Variants in MYBPC2 observed in about 807,000 individuals in gnomAD.
MYBPC2 encodes myosin-binding protein C, fast-type.
MYBPC2 carries 122 observed loss-of-function variants against 137.0 expected under a neutral mutation model. The ratio of observed to expected loss-of-function variants is 0.89; its 90% confidence interval spans 0.77 to 1.03. The LOEUF is 1.03. MYBPC2 is among the 50% of genes least tolerant of loss of function. MYBPC2 has a pLI of 0.00. For synonymous variants in MYBPC2, 626 were observed against 612.3 expected, an observed-to-expected ratio of 1.02 and a Z score of -0.33; for missense variants, 1,500 against 1,534.4, an observed-to-expected ratio of 0.98 and a Z score of 0.37.
chr19:50,436,710 TGTG>T lies in MYBPC2; in HGVS notation c.441_443del (p.Gly148del). On this transcript the variant is annotated inframe_deletion, in exon 5 of 28. Coordinates refer to ENST00000357701, the MANE Select transcript of MYBPC2 (RefSeq NM_004533.4). ...CAAAGCCAAGGACACCTGTGACAGC[TGTG>T]GCTTCAACATCGATGTGGAGGGTAT... 1 of 1,613,824 alleles carries T rather than the reference TGTG, an allele frequency of 6.2e-7. No homozygotes were observed. Among genetic ancestry groups the T allele is most frequent in the East Asian group, 2.2e-5 (1 of 44,876 alleles).
rs574925574 is a variant in MYBPC2 at position 50,451,703 on chromosome 19, T to A, written c.1610-161T>A. The stretch of plus-strand genomic sequence containing the variant: ...CTGTAGGGTCTGAGGGAGGAGGGGT[T>A]GGGGGCCTGGACTACTGGGTCTGAG... On this transcript the variant is annotated intron_variant, in intron 15 of 27. Coordinates refer to ENST00000357701, the MANE Select transcript of MYBPC2 (RefSeq NM_004533.4). Among the ~76,000 whole-genome samples the A allele has an allele frequency of 2.2e-5, 3 of 135,544 alleles. No homozygotes were observed. The East Asian group carries it at 7.0e-4, about 32-fold the overall frequency. 88.9% of individuals were successfully genotyped at this position (135,544 alleles called of 152,430 possible). A position where few individuals can be genotyped will look rare whatever the true frequency, so the allele number is the denominator to read the frequency against.
intron 12 of MYBPC2, among the ~76,000 whole-genome samples, chr19:50,446,414 G>A (rs1216139834): frequency 1.3e-5 from 2 of 152,042 alleles, no homozygotes; most frequent in Admixed American, 6.6e-5. Context: ...TCAGGAGGCT[G>A]AGGCAGGAGA....
chr19:50,451,986 T>A lies in MYBPC2; in HGVS notation c.1732T>A (p.Trp578Arg). ...ITGEPPPVAT[W>R]LKGDEVFTTT... ...AGGGGAGCCCCCTCCCGTCGCTACC[T>A]GGCTGAAGGGAGATGAGGTGGGTTG... The change falls in exon 16 of 28, where the codon TGG (tryptophan) becomes AGG (arginine). Residue 578 changes from tryptophan to arginine, a missense_variant. By Grantham distance (101) the Trp-to-Arg change is moderately radical. Transcript: ENST00000357701. 1 of 1,552,782 alleles carries A rather than the reference T, an allele frequency of 6.4e-7. No homozygotes were observed. The highest frequency in any genetic ancestry group is 8.7e-7 in the Non-Finnish European group (1 of 1,147,406).
intron 13 of MYBPC2, 78 bp from the exon 14 acceptor site, chr19:50,450,751 G>T: frequency 9.9e-7 from 1 of 1,009,220 alleles, no homozygotes; most frequent in Non-Finnish European, 1.5e-6. Flanking sequence ...ACTGAGGGAA[G>T]CTGATTGAGG....
chr19:50,446,037 G>T lies in MYBPC2; in HGVS notation c.1291G>T (p.Glu431Ter). The change falls in exon 12 of 28, where the codon GAG becomes TAG. Residue 431 changes from glutamate (E) to a stop codon, truncating the protein, a stop_gained. Transcript: ENST00000357701. LOFTEE classifies it high-confidence loss of function. ...AACCAATGGCGGCCAGTGTGAGGCCGAGCTGATTGTGGAAGGTATGGGGCC... is the reference window on the plus strand; with the variant it reads ...AACCAATGGCGGCCAGTGTGAGGCCTAGCTGATTGTGGAAGGTATGGGGCC... ...VITNGGQCEA[E>*]LIVEEKQLEV... The T allele has an allele frequency of 6.2e-6, 10 of 1,612,798 alleles. No individual in the cohort carries two copies. Among genetic ancestry groups the T allele is most frequent in the East Asian group, 4.5e-5 (2 of 44,868 alleles).
chr19:50,457,530 G>T (rs893147802), intron 20 of MYBPC2, among the ~76,000 whole-genome samples: 1 of 152,148 alleles, frequency 6.6e-6, no homozygotes, highest in Non-Finnish European at 1.5e-5. Context: ...GAGCGTGCTG[G>T]AGTCAGACAG....
chr19:50,451,412 G>T, intron 15 of MYBPC2, 103 bp downstream of exon 15: 1 of 1,337,902 alleles, frequency 7.5e-7, no homozygotes. Context: ...GAGGAAGGAT[G>T]GGCGGGGTGC....
At chr19:50,451,515 C>T (rs1348762421) in intron 15 of MYBPC2, among the ~76,000 whole-genome samples, 5 of 136,416 alleles carry the variant, frequency 3.7e-5, no homozygotes, top group Non-Finnish European at 6.3e-5. Flanking sequence ...TGGGGGCTAT[C>T]GGCCGAGAGG....
At chr19:50,440,480 A>G (rs2122582951) in intron 7 of MYBPC2, among the ~76,000 whole-genome samples, 1 of 152,036 alleles carries the variant, frequency 6.6e-6, no homozygotes. Context: ...CCTGTCCAAC[A>G]TGGCAAAACC....
In MYBPC2 at chr19:50,441,048, G is replaced by A. The variant is rs996409213; in HGVS notation, c.741G>A (p.Lys247=). 10 of 1,602,086 alleles carry A rather than the reference G, an allele frequency of 6.2e-6. No homozygotes were observed. The highest frequency in any genetic ancestry group is 2.3e-5 in the East Asian group (1 of 44,284). ...GGGGCATGCTGAAGCGGCTGAAAAA[G>A]GCTAAGGTCGAGGTCAAGAAGAGTG... ...DLRGMLKRLK[K]AKVEVKKSAA... is the part of the protein sequence containing the mutation. Residue 247 remains lysine (K), a synonymous_variant, in exon 8 of 28, where the codon AAG becomes AAA. Transcript: ENST00000357701.
rs141665774 is a variant in MYBPC2, at chr19:50,454,388, A to G, written c.2014+19A>G. On this transcript the variant is annotated intron_variant, in intron 18 of 27. Transcript: ENST00000357701. ...GTCACCGGTGAGTGCCTCTGTCCTC[A>G]TGACCTCTGACCTTCCCTCTTTCTG... 297 of 1,520,504 alleles carry G rather than the reference A, an allele frequency of 2.0e-4. 1 individual carries two copies. The East Asian group carries it at 6.4e-3, about 33-fold the overall frequency. The allele number at this position is 1,520,504 out of a possible 1,614,324, so 94.2% of individuals were successfully genotyped here. A position where few individuals can be genotyped will look rare whatever the true frequency, so the allele number is the denominator to read the frequency against.
intron 1 of MYBPC2, 65 bp downstream of exon 1, chr19:50,433,037 C>A (rs746971263): frequency 1.3e-6 from 2 of 1,513,150 alleles, no homozygotes; most frequent in Non-Finnish European, 1.8e-6. Flanking sequence ...GGATTTGGGA[C>A]CCCTCTGTTT....
chr19:50,446,818 C>CAA (rs746953730), intron 12 of MYBPC2, among the ~76,000 whole-genome samples: 63 of 102,440 alleles, frequency 6.1e-4, no homozygotes, highest in East Asian at 1.6e-3. Context: ...GACTCTGTCT[C>CAA]AAAAAAAAAA....
chr19:50,437,674 G>A lies in MYBPC2; in HGVS notation c.528G>A (p.Ser176=), dbSNP rs200150398. 5.9e-5 allele frequency: 95 copies of A among 1,604,482 alleles called. No individual in the cohort carries two copies. In the African/African-American group the frequency reaches 9.0e-4, roughly 15 times the overall value. ...ESFKRTSEKK[S]DTAGELDFSG... ...ATGGCCACAGGAGTGAAAAGAAGTCGGATACTGCAGGTGAGCTGGATTTCA... is the reference window on the plus strand; with the variant it reads ...ATGGCCACAGGAGTGAAAAGAAGTCAGATACTGCAGGTGAGCTGGATTTCA... The change falls in exon 7 of 28, where the codon TCG becomes TCA. Residue 176 remains serine (S), a synonymous_variant. Transcript: ENST00000357701.
intron 15 of MYBPC2, 120 bp from the exon 16 acceptor site, chr19:50,451,744 G>C (rs2039860529): frequency 7.0e-7 from 1 of 1,425,332 alleles, no homozygotes; most frequent in South Asian, 1.4e-5. Flanking sequence ...AGGGCTTCAG[G>C]ACATGGATCC....
rs10404272 is a variant in MYBPC2, at chr19:50,458,797, G to A, written c.2506+43G>A. The A allele has an allele frequency of 5.6e-3, 8,907 of 1,603,776 alleles. 403 individuals are homozygous for A. In the African/African-American group the frequency reaches 0.1, roughly 18 times the overall value. On this transcript the variant is annotated intron_variant, in intron 21 of 27. Transcript: ENST00000357701. ...CTGCGCTCCGAAAGACCAAGCTGGC[G>A]TCGTCCCGCCTGCCCTTTCCGTGTC...
intron 16 of MYBPC2, among the ~76,000 whole-genome samples, chr19:50,453,320 C>A (rs1340910529): frequency 2.0e-5 from 3 of 152,080 alleles, no homozygotes. Context: ...GGTGCTCTGG[C>A]TGAGATAAAG....
At position 50,435,765 on chromosome 19, in the gene MYBPC2, C is replaced by A. The variant is rs755318794; in HGVS notation, c.110-11C>A. 1 of 1,603,452 alleles carries A rather than the reference C, an allele frequency of 6.2e-7. No individual in the cohort carries two copies. Among genetic ancestry groups the A allele is most frequent in the Non-Finnish European group, 8.5e-7 (1 of 1,172,758 alleles). ...TCAGACCTCCTCATCCTAATCCTGT[C>A]CCCTGAACAGAAGCCCCACCCGAGG... On this transcript the variant is annotated splice_polypyrimidine_tract_variant and intron_variant, in intron 2 of 27. Transcript: ENST00000357701. This position sits in a 1 kb window ranked among gnomAD's most constrained non-coding sequence, Gnocchi z 4.8.
Position 50,448,272 on chromosome 19 carries a change from G to C in MYBPC2, c.1354G>C (p.Ala452Pro), listed in dbSNP as rs186081920. ...GGACATCGCGGATCTGACGGTGAAGGCCTCAGAACAAGCTGTGTTCAAGTG... is the reference window on the plus strand; with the variant it reads ...GGACATCGCGGATCTGACGGTGAAGCCCTCAGAACAAGCTGTGTTCAAGTG... The part of the protein sequence containing the change: ...LQDIADLTVK[A>P]SEQAVFKCEV... The change falls in exon 13 of 28, where the codon GCC (alanine) becomes CCC (proline). Residue 452 changes from alanine to proline, a missense_variant. Transcript: ENST00000357701. The C allele has an allele frequency of 8.1e-6, 13 of 1,613,878 alleles. No individual in the cohort carries two copies. Among genetic ancestry groups the C allele is most frequent in the South Asian group, 1.1e-5 (1 of 91,088 alleles).
Sources: gnomAD v4.1 joint callset for allele counts (sites outside exome capture counted in the v4.1 genomes callset) on GRCh38, gnomAD v4.1.1 for gene constraint, Gnocchi (gnomAD v3.1) non-coding constraint, MANE v1.5 for transcripts, NCBI Gene and HGNC (gene_info 2026-07-23, HGNC 2026-07-21) for gene names.